RBFOX1: variants seen among roughly 807,000 people sequenced by gnomAD.
RBFOX1 encodes the protein RNA binding protein fox-1 homolog 1.
RBFOX1 carries 8 observed loss-of-function variants against 57.7 expected under a neutral mutation model. That is an observed-to-expected ratio of 0.14 (90% CI 0.08 to 0.25). RBFOX1 has a LOEUF of 0.25. RBFOX1 is among the 10% of genes least tolerant of loss of function. RBFOX1 has a pLI of 1.00. For synonymous variants in RBFOX1, 326 were observed against 222.4 expected, an observed-to-expected ratio of 1.47 and a Z score of -4.15; for missense variants, 611 against 548.5, an observed-to-expected ratio of 1.11 and a Z score of -1.14.
intron 2 of RBFOX1, among the ~76,000 whole-genome samples, chr16:6,391,047 C>G (rs1270726445): frequency 5.9e-5 from 9 of 152,290 alleles, no homozygotes; most frequent in African/African-American, 1.4e-4. Context: ...GTACCTCGCA[C>G]TCCTCCAGTT....
chr16:6,871,959 G>GTGTC (rs879908471), intron 3 of RBFOX1, among the ~76,000 whole-genome samples: 3,260 of 126,332 alleles, frequency 0.026, 154 homozygotes, highest in African/African-American at 0.083. Context: ...GTGTGTGTGT[G>GTGTC]TGTTTCCCTC....
intron 4 of RBFOX1, among the ~76,000 whole-genome samples, chr16:7,328,043 C>G (rs2096634705): frequency 6.6e-6 from 1 of 152,182 alleles, no homozygotes; most frequent in Admixed American, 6.5e-5. Flanking sequence ...GGCTACCACT[C>G]AGAAGGGCCA....
Position 7,125,627 on chromosome 16 carries a change from A to G in RBFOX1, c.27+73529A>G, listed in dbSNP as rs1484083671. 2.6e-5 allele frequency among the ~76,000 whole-genome samples: 4 copies of G among 152,278 alleles called. No homozygotes were observed. In the South Asian group the frequency reaches 8.3e-4, roughly 32 times the overall value. On this transcript the variant is annotated intron_variant, in intron 4 of 15. Coordinates refer to ENST00000550418, the MANE Select transcript of RBFOX1 (RefSeq NM_018723.4). ...ATCATCGCAATAATATAGAAGATGG[A>G]TATCGTTAACTCTACAGAGGAAGCT...
At chr16:6,260,724 T>C (rs968736619) in intron 1 of RBFOX1, among the ~76,000 whole-genome samples, 3 of 151,880 alleles carry the variant, frequency 2.0e-5, no homozygotes, top group South Asian at 2.1e-4. Context: ...CTACTGATAA[T>C]ACAAAAATGA....
chr16:7,302,930 G>A (rs533780336), intron 4 of RBFOX1, among the ~76,000 whole-genome samples: 1 of 152,170 alleles, frequency 6.6e-6, no homozygotes, highest in East Asian at 1.9e-4. Flanking sequence ...TGGCCAAGGA[G>A]GGCTGGACAG....
At chr16:7,420,593 T>C (rs138671716) in intron 4 of RBFOX1, among the ~76,000 whole-genome samples, 63 of 152,204 alleles carry the variant, frequency 4.1e-4, no homozygotes, top group African/African-American at 1.3e-3. Context: ...TCTTTTTTTT[T>C]CTTTCCCTTT....
At chr16:7,087,566 G>T (rs986020133) in intron 4 of RBFOX1, among the ~76,000 whole-genome samples, 3 of 150,050 alleles carry the variant, frequency 2.0e-5, no homozygotes, top group Admixed American at 1.3e-4. Flanking sequence ...GAGAGAGAAG[G>T]AGGGAGAGAG....
At chr16:6,500,513 G>A (rs2095879320) in intron 2 of RBFOX1, among the ~76,000 whole-genome samples, 2 of 152,168 alleles carry the variant, frequency 1.3e-5, no homozygotes, top group Non-Finnish European at 2.9e-5. Context: ...AACTTTTGCA[G>A]AAATATGATT....
chr16:6,941,288 TTCCC>T (rs1183309032), intron 3 of RBFOX1, among the ~76,000 whole-genome samples: 3,083 of 79,926 alleles, frequency 0.039, 233 homozygotes, highest in African/African-American at 0.092. Flanking sequence ...CCTTCCCTCC[TTCCC>T]TCCCTCCCTC....
chr16:5,954,836 G>C (rs1168500070), intron 4 of RBFOX1, among the ~76,000 whole-genome samples: 1 of 152,028 alleles, frequency 6.6e-6, no homozygotes, highest in East Asian at 1.9e-4. Context: ...GGATGTTATG[G>C]AGGAGGAGAG....
At chr16:5,326,592 G>A (rs1244654373) in intron 1 of RBFOX1, among the ~76,000 whole-genome samples, 1 of 152,218 alleles carries the variant, frequency 6.6e-6, no homozygotes, top group African/African-American at 2.4e-5. Context: ...ATGGAAAGCA[G>A]ATGTTCTTCA....
chr16:5,719,322 C>G (rs1393272213), intron 3 of RBFOX1, among the ~76,000 whole-genome samples: 2 of 151,572 alleles, frequency 1.3e-5, no homozygotes, highest in Non-Finnish European at 2.9e-5. Context: ...CTGCCTCAGC[C>G]TCCCGAGTAA....
chr16:7,256,338 C>G (rs564120618), intron 4 of RBFOX1, among the ~76,000 whole-genome samples: 3 of 152,226 alleles, frequency 2.0e-5, no homozygotes, highest in South Asian at 2.1e-4. Flanking sequence ...ATGAAGCCAC[C>G]ATTCCTACCA....
intron 1 of RBFOX1, among the ~76,000 whole-genome samples, chr16:6,109,491 T>G (rs1263900167): frequency 6.6e-6 from 1 of 152,178 alleles, no homozygotes; most frequent in Non-Finnish European, 1.5e-5. Context: ...CATAATATAG[T>G]TAGTCGATGA....
At chr16:5,606,687 T>C (rs549561073) in intron 3 of RBFOX1, among the ~76,000 whole-genome samples, 62 of 151,768 alleles carry the variant, frequency 4.1e-4, no homozygotes, top group Non-Finnish European at 7.4e-5. Flanking sequence ...GATTGCTTTG[T>C]AGTGTAGGAA....
chr16:6,926,273 C>T (rs1025574750), intron 3 of RBFOX1, among the ~76,000 whole-genome samples: 2 of 152,088 alleles, frequency 1.3e-5, no homozygotes, highest in African/African-American at 4.8e-5. Context: ...CACCACTGCG[C>T]TACAGCCTGG....
In RBFOX1 at chr16:7,429,656, G is replaced by A. The variant is rs138190528; in HGVS notation, c.28-88491G>A. ...AGGATGGGAGGAACTGATAAAAACT[G>A]CCATATAACCATCATGGGACATGGC... On this transcript the variant is annotated intron_variant, in intron 4 of 15. Transcript: ENST00000550418. Among the ~76,000 whole-genome samples, 255 of 152,258 alleles carry A rather than the reference G, an allele frequency of 1.7e-3. 1 individual carries two copies. The highest frequency in any genetic ancestry group is 5.7e-3 in the African/African-American group (237 of 41,556).
intron 2 of RBFOX1, among the ~76,000 whole-genome samples, chr16:6,627,191 G>T (rs929776845): frequency 1.4e-4 from 21 of 152,188 alleles, no homozygotes; most frequent in African/African-American, 5.1e-4. Flanking sequence ...ATCTTGGGAT[G>T]GGCAGAGTAG....
chr16:6,890,611 C>G (rs1199786298), intron 3 of RBFOX1, among the ~76,000 whole-genome samples: 1 of 152,136 alleles, frequency 6.6e-6, no homozygotes, highest in African/African-American at 2.4e-5. Flanking sequence ...CTTTGGTTAT[C>G]GTTTATTGTG....
Sources: gnomAD v4.1 joint callset for allele counts (sites outside exome capture counted in the v4.1 genomes callset) on GRCh38, gnomAD v4.1.1 for gene constraint, MANE v1.5 for transcripts, NCBI Gene and HGNC (gene_info 2026-07-23, HGNC 2026-07-21) for gene names.